Variants in ALPK2 observed in about 807,000 individuals in gnomAD.
ALPK2 encodes alpha kinase 2, also known as alpha-protein kinase 2.
In ALPK2, 127 loss-of-function variants were observed where a neutral mutation model predicts 163.1. That is an observed-to-expected ratio of 0.78 (90% CI 0.67 to 0.90). The LOEUF (loss-of-function observed/expected upper bound fraction) is 0.90. ALPK2 is among the 40% of genes least tolerant of loss of function. ALPK2 has a pLI of 0.00. For missense variants in ALPK2, 2,360 were observed against 2,589.6 expected (o/e 0.91, Z 1.92); for synonymous variants, 953 against 959.1 (o/e 0.99, Z 0.12).
At chr18:58,491,257 T>C (rs574872388) in intron 12 of ALPK2, among the ~76,000 whole-genome samples, 1 of 152,350 alleles carries the variant, frequency 6.6e-6, no homozygotes, top group African/African-American at 2.4e-5. Flanking sequence ...ACTTAGTTTA[T>C]AGTTTGACTT....
At position 58,528,928 on chromosome 18, in the gene ALPK2, ACTTGT is replaced by A. The variant is rs2051597616; in HGVS notation, c.5501+158_5501+162del. Reference sequence around the variant, plus strand: ...CCTCCATCATTTTCCCCATCCAGACACTTGTCTTCCGATATTTAGTCTTTTTTAAT... The same window carrying A: ...CCTCCATCATTTTCCCCATCCAGACACTTCCGATATTTAGTCTTTTTTAAT... On this transcript the variant is annotated intron_variant, in intron 6 of 12. Transcript: ENST00000361673. 6 of 850,460 alleles carry A rather than the reference ACTTGT, an allele frequency of 7.1e-6. No homozygotes were observed. The Admixed American group carries it at 1.4e-4, about 19-fold the overall frequency. 52.7% of individuals were successfully genotyped at this position (850,460 alleles called of 1,614,324 possible).
chr18:58,624,503 G>A (rs990778865), intron 1 of ALPK2, among the ~76,000 whole-genome samples: 1 of 150,772 alleles, frequency 6.6e-6, no homozygotes, highest in Non-Finnish European at 1.5e-5. Flanking sequence ...TGCCCAGGCT[G>A]GAGTGCAATG....
intron 3 of ALPK2, among the ~76,000 whole-genome samples, chr18:58,582,700 A>T (rs563666264): frequency 1.3e-5 from 2 of 152,310 alleles, no homozygotes; most frequent in Admixed American, 1.3e-4. Context: ...TTGGTTTTAT[A>T]CATTTTAGGG....
intron 1 of ALPK2, among the ~76,000 whole-genome samples, chr18:58,615,060 C>A (rs1057247351): frequency 6.6e-6 from 1 of 152,000 alleles, no homozygotes; most frequent in African/African-American, 2.4e-5. Flanking sequence ...AGCAATCCTC[C>A]CACCTGGCTT....
intron 4 of ALPK2, among the ~76,000 whole-genome samples, chr18:58,569,208 G>A (rs1012619343): frequency 2.6e-5 from 4 of 152,276 alleles, no homozygotes; most frequent in East Asian, 1.9e-4. Flanking sequence ...TCTTGGGGGG[G>A]AGAAAAAGTT....
At chr18:58,500,343 A>G (rs1016693350) in intron 11 of ALPK2, among the ~76,000 whole-genome samples, 1 of 152,166 alleles carries the variant, frequency 6.6e-6, no homozygotes, top group Non-Finnish European at 1.5e-5. Context: ...ATGGAAGTCC[A>G]ATTTGAAAAA....
chr18:58,483,817 G>A (rs187768572), intron 12 of ALPK2, among the ~76,000 whole-genome samples: 212 of 150,798 alleles, frequency 1.4e-3, no homozygotes, highest in African/African-American at 4.8e-3. Context: ...CGCCCGCCTC[G>A]GCCTCCCAAA....
At chr18:58,566,566 G>A (rs1436724445) in intron 4 of ALPK2, 4 of 152,196 alleles carry the variant, frequency 2.6e-5, no homozygotes, top group African/African-American at 4.8e-5. Flanking sequence ...TTGTTACAGA[G>A]ACTAAAACCC....
At chr18:58,622,935 G>A (rs1286377829) in intron 1 of ALPK2, among the ~76,000 whole-genome samples, 1 of 152,154 alleles carries the variant, frequency 6.6e-6, no homozygotes, top group Non-Finnish European at 1.5e-5. Context: ...CAATATAGGG[G>A]AGAACCTGGA....
chr18:58,534,326 A>G (rs1245588594), intron 5 of ALPK2, among the ~76,000 whole-genome samples: 1 of 152,202 alleles, frequency 6.6e-6, no homozygotes, highest in Admixed American at 6.5e-5. Context: ...AGGTTCAAGG[A>G]AGTTATTTTT....
intron 4 of ALPK2, among the ~76,000 whole-genome samples, chr18:58,571,650 A>G (rs992607909): frequency 2.0e-5 from 3 of 152,120 alleles, no homozygotes; most frequent in Non-Finnish European, 4.4e-5. Context: ...GACCTCATCA[A>G]TATGAAAAGT....
At chr18:58,577,573 T>C (rs537538740) in intron 4 of ALPK2, among the ~76,000 whole-genome samples, 2 of 152,368 alleles carry the variant, frequency 1.3e-5, no homozygotes, top group South Asian at 4.1e-4. Context: ...ATCTTGGGCA[T>C]GAAACTGTGG....
intron 4 of ALPK2, among the ~76,000 whole-genome samples, chr18:58,541,591 A>G (rs2051689975): frequency 1.3e-5 from 2 of 152,244 alleles, no homozygotes; most frequent in South Asian, 4.1e-4. Context: ...AAATTCATAC[A>G]TTTGACACAC....
At chr18:58,513,881 TAAAAC>T (rs1167593382) in intron 10 of ALPK2, among the ~76,000 whole-genome samples, 2 of 152,026 alleles carry the variant, frequency 1.3e-5, no homozygotes, top group Non-Finnish European at 2.9e-5. Flanking sequence ...TTAAAAAAAA[TAAAAC>T]AGAAAGGAAA....
chr18:58,613,603 G>A (rs1342918769), intron 1 of ALPK2, among the ~76,000 whole-genome samples: 1 of 151,552 alleles, frequency 6.6e-6, no homozygotes, highest in Non-Finnish European at 1.5e-5. Flanking sequence ...TGAGGCAGGA[G>A]AATTGCTTGA....
intron 4 of ALPK2, among the ~76,000 whole-genome samples, chr18:58,540,195 G>T (rs755815122): frequency 6.6e-6 from 1 of 152,176 alleles, no homozygotes; most frequent in Non-Finnish European, 1.5e-5. Context: ...TTGAGAGAAT[G>T]AATAAATGAA....
intron 3 of ALPK2, among the ~76,000 whole-genome samples, chr18:58,596,252 G>T (rs547580367): frequency 6.6e-6 from 1 of 152,200 alleles, no homozygotes; most frequent in Non-Finnish European, 1.5e-5. Context: ...TTCGTCTGCC[G>T]TTCTGTTGTC....
chr18:58,584,758 A>G (rs576907026), intron 3 of ALPK2, among the ~76,000 whole-genome samples: 76 of 152,330 alleles, frequency 5.0e-4, no homozygotes, highest in African/African-American at 1.7e-3. Flanking sequence ...AACCTTGTAG[A>G]TCAGGTCTGT....
intron 1 of ALPK2, among the ~76,000 whole-genome samples, chr18:58,616,857 T>A (rs913917214): frequency 6.6e-6 from 1 of 152,024 alleles, no homozygotes; most frequent in Non-Finnish European, 1.5e-5. Context: ...TTGAAGCCAG[T>A]CAGTCAGAAG....
Sources: allele counts gnomAD v4.1 joint callset (sites outside exome capture counted in the v4.1 genomes callset), GRCh38; gene constraint gnomAD v4.1.1; transcripts MANE v1.5; gene names NCBI Gene and HGNC (gene_info 2026-07-23, HGNC 2026-07-21).